MMP16: variants seen among roughly 807,000 people sequenced by gnomAD.
The protein encoded by MMP16 is matrix metallopeptidase 16, also known as matrix metalloproteinase-16.
A neutral mutation model predicts 67.8 loss-of-function variants in MMP16; 12 were observed. The ratio of observed to expected loss-of-function variants is 0.18; its 90% CI spans 0.11 to 0.29. MMP16 has a LOEUF of 0.29. Among genes scored for constraint, MMP16 ranks in the 10% least tolerant of loss-of-function variants. The probability of loss-of-function intolerance (pLI) is 1.00; values close to 1 mark genes in which losing one functional copy is unlikely to be tolerated. For synonymous variants in MMP16, 249 were observed against 255.9 expected, an observed-to-expected ratio of 0.97 and a Z score of 0.26; for missense variants, 475 against 765.7, an observed-to-expected ratio of 0.62 and a Z score of 4.48.
chr8:88,194,446 G>T (rs1401018281), intron 2 of MMP16, among the ~76,000 whole-genome samples: 1 of 151,998 alleles, frequency 6.6e-6, no homozygotes, highest in Non-Finnish European at 1.5e-5. Context: ...AGCATGGATT[G>T]TTACCACACA....
intron 6 of MMP16, among the ~76,000 whole-genome samples, chr8:88,112,666 GGTGT>G (rs6150692): frequency 6.8e-6 from 1 of 146,790 alleles, no homozygotes; most frequent in Non-Finnish European, 1.5e-5. Context: ...AGGACAGAAG[GGTGT>G]GTGTGTGTGT....
In MMP16 at chr8:88,326,959, G is replaced by T. The variant is rs887080280; in HGVS notation, c.132+116C>A. Reference sequence around the variant, plus strand: ...AACCAGGGTCTCCACAGCTGGAAGGGAAACAACGTGCTGGGACCCAGGCTG... The same window carrying T: ...AACCAGGGTCTCCACAGCTGGAAGGTAAACAACGTGCTGGGACCCAGGCTG... On this transcript the variant is annotated intron_variant, in intron 1 of 9. Coordinates refer to ENST00000286614, the MANE Select transcript of MMP16 (RefSeq NM_005941.5). The T allele has an allele frequency of 2.2e-6, 3 of 1,386,764 alleles. No homozygotes were observed. The East Asian group carries it at 7.0e-5, about 33-fold the overall frequency. 85.9% of individuals were successfully genotyped at this position (1,386,764 alleles called of 1,614,324 possible). A position where few individuals can be genotyped will look rare whatever the true frequency, so the allele number is the denominator to read the frequency against.
intron 4 of MMP16, 118 bp downstream of exon 4, chr8:88,167,551 T>C: frequency 1.0e-6 from 1 of 999,338 alleles, no homozygotes; most frequent in South Asian, 1.9e-5. Context: ...TACATATTGC[T>C]TTGGAATTTT....
intron 4 of MMP16, among the ~76,000 whole-genome samples, chr8:88,155,052 G>C (rs1011840119): frequency 6.6e-6 from 1 of 151,934 alleles, no homozygotes; most frequent in Non-Finnish European, 1.5e-5. Flanking sequence ...AATGTTTGTT[G>C]AAGGATGAGT....
At chr8:88,216,519 A>C (rs1028698311) in intron 1 of MMP16, among the ~76,000 whole-genome samples, 2 of 152,128 alleles carry the variant, frequency 1.3e-5, no homozygotes, top group African/African-American at 4.8e-5. Flanking sequence ...TTTTCATAGC[A>C]AAAGAGTCCA....
At chr8:88,253,140 T>A (rs2129929955) in intron 1 of MMP16, among the ~76,000 whole-genome samples, 1 of 152,266 alleles carries the variant, frequency 6.6e-6, no homozygotes, top group South Asian at 2.1e-4. Context: ...ACAACTAGAA[T>A]GCATTTGACA....
chr8:88,109,701 T>G (rs1043393348), intron 6 of MMP16, among the ~76,000 whole-genome samples: 1 of 151,242 alleles, frequency 6.6e-6, no homozygotes, highest in Non-Finnish European at 1.5e-5. Context: ...CTTTGCTTAT[T>G]TATCTTGAAT....
At chr8:88,063,338 C>T (rs1482284235) in intron 7 of MMP16, among the ~76,000 whole-genome samples, 3 of 152,008 alleles carry the variant, frequency 2.0e-5, no homozygotes, top group African/African-American at 7.2e-5. Flanking sequence ...CCAGGAGCTG[C>T]AGAAACACTG....
chr8:88,193,680 A>C (rs564528875), intron 2 of MMP16, among the ~76,000 whole-genome samples: 6 of 152,092 alleles, frequency 3.9e-5, no homozygotes, highest in Non-Finnish European at 8.8e-5. Context: ...GTATGCCTGT[A>C]TCAAAACATA....
At chr8:88,153,601 A>C (rs1808451456) in intron 4 of MMP16, among the ~76,000 whole-genome samples, 1 of 151,820 alleles carries the variant, frequency 6.6e-6, no homozygotes, top group Admixed American at 6.6e-5. Context: ...ACCTGAGAAA[A>C]ACAAGCAATG....
chr8:88,140,643 G>C (rs1808198041), intron 4 of MMP16, among the ~76,000 whole-genome samples: 1 of 151,982 alleles, frequency 6.6e-6, no homozygotes, highest in South Asian at 2.1e-4. Flanking sequence ...GATTTTTTTG[G>C]TGAGATATTG....
At chr8:88,080,570 G>A (rs925249363) in intron 6 of MMP16, among the ~76,000 whole-genome samples, 1 of 152,060 alleles carries the variant, frequency 6.6e-6, no homozygotes, top group Non-Finnish European at 1.5e-5. Context: ...TGAGTAGCTG[G>A]AACTACAGGC....
chr8:88,100,694 A>T (rs1313929668), intron 6 of MMP16, among the ~76,000 whole-genome samples: 3 of 152,020 alleles, frequency 2.0e-5, no homozygotes, highest in Non-Finnish European at 4.4e-5. Context: ...TTATTGTGGC[A>T]CTATTCACAA....
intron 4 of MMP16, among the ~76,000 whole-genome samples, chr8:88,146,836 T>C (rs59348534): frequency 0.035 from 5,284 of 151,968 alleles, 307 homozygotes; most frequent in African/African-American, 0.12. Flanking sequence ...TGTTCAATTT[T>C]ATTAGGTTTT....
At chr8:88,156,573 A>G (rs908401100) in intron 4 of MMP16, among the ~76,000 whole-genome samples, 2 of 152,148 alleles carry the variant, frequency 1.3e-5, no homozygotes, top group African/African-American at 4.8e-5. Context: ...AAATTGTAGT[A>G]TGTTAGGTTT....
At chr8:88,308,288 C>T (rs1418047810) in intron 1 of MMP16, among the ~76,000 whole-genome samples, 3 of 152,042 alleles carry the variant, frequency 2.0e-5, no homozygotes, top group African/African-American at 7.2e-5. Context: ...TTCAAAGGGA[C>T]CTTTTGTTAA....
chr8:88,230,228 C>A (rs966644403), intron 1 of MMP16, among the ~76,000 whole-genome samples: 5 of 152,034 alleles, frequency 3.3e-5, no homozygotes, highest in Non-Finnish European at 5.9e-5. Flanking sequence ...TCACGAGATG[C>A]AGATGCTGCT....
At chr8:88,135,176 G>A (rs1288897403) in intron 4 of MMP16, among the ~76,000 whole-genome samples, 1 of 151,580 alleles carries the variant, frequency 6.6e-6, no homozygotes, top group Non-Finnish European at 1.5e-5. Context: ...TATTCATTAA[G>A]CAAACATTTA....
At chr8:88,190,983 C>A (rs1195173244) in intron 2 of MMP16, among the ~76,000 whole-genome samples, 1 of 152,134 alleles carries the variant, frequency 6.6e-6, no homozygotes, top group Non-Finnish European at 1.5e-5. Context: ...GGAAGGGGCA[C>A]TGCAACTTTG....
Sources: allele counts gnomAD v4.1 joint callset (sites outside exome capture counted in the v4.1 genomes callset), GRCh38; gene constraint gnomAD v4.1.1; transcripts MANE v1.5; gene names NCBI Gene and HGNC (gene_info 2026-07-23, HGNC 2026-07-21).